Variants in TP63 observed in about 807,000 individuals in gnomAD.
TP63 encodes tumor protein p63, also known as tumor protein 63.
In TP63, 17 loss-of-function variants were observed where a neutral mutation model predicts 82.8. That is an observed-to-expected ratio of 0.21 (90% CI 0.14 to 0.31). TP63 has a LOEUF of 0.31. Among genes scored for constraint, TP63 ranks in the 10% least tolerant of loss-of-function variants. The pLI, the probability that TP63 is intolerant of heterozygous loss-of-function variation, is 1.00. For synonymous variants in TP63, 330 were observed against 321.7 expected (o/e 1.03, Z -0.28); for missense variants, 648 against 895.3 (o/e 0.72, Z 3.52).
intron 3 of TP63, among the ~76,000 whole-genome samples, chr3:189,798,485 A>T (rs542934905): frequency 9.6e-4 from 146 of 152,190 alleles, no homozygotes; most frequent in East Asian, 7.7e-4. Flanking sequence ...ACTCACAAGG[A>T]CAGAGAATGT....
At chr3:189,751,501 T>A (rs957810286) in intron 3 of TP63, among the ~76,000 whole-genome samples, 16 of 152,346 alleles carry the variant, frequency 1.1e-4, no homozygotes, top group African/African-American at 3.8e-4. Context: ...GACTTTTTAA[T>A]GATCGCCATT....
intron 9 of TP63, 55 bp downstream of exon 9, chr3:189,869,461 C>A: frequency 6.9e-7 from 1 of 1,450,102 alleles, no homozygotes; most frequent in Non-Finnish European, 9.6e-7. Flanking sequence ...TTTGAATGGG[C>A]TTTTACAGTA....
intron 3 of TP63, among the ~76,000 whole-genome samples, chr3:189,777,940 C>G (rs1723944447): frequency 6.9e-6 from 1 of 145,648 alleles, no homozygotes; most frequent in South Asian, 2.2e-4. Context: ...ACTGCAACTT[C>G]CGTCTTCCGG....
chr3:189,845,951 T>G (rs1016781645), intron 4 of TP63, among the ~76,000 whole-genome samples: 8 of 151,744 alleles, frequency 5.3e-5, no homozygotes, highest in Admixed American at 3.9e-4. Context: ...AGGGTTTTGA[T>G]TCTACCTTTA....
At chr3:189,702,835 A>T (rs977625359) in intron 1 of TP63, among the ~76,000 whole-genome samples, 3 of 152,230 alleles carry the variant, frequency 2.0e-5, no homozygotes, top group Non-Finnish European at 4.4e-5. Context: ...GTTTTATCTT[A>T]CAGCACCATT....
intron 3 of TP63, among the ~76,000 whole-genome samples, chr3:189,776,462 A>G (rs1057044055): frequency 2.0e-5 from 3 of 152,202 alleles, no homozygotes; most frequent in African/African-American, 7.2e-5. Flanking sequence ...TTAGGAGTGG[A>G]TGCTTAACTG....
At position 189,694,790 on chromosome 3, in the gene TP63, C is replaced by CTTTTTTTTTTTTTTTTTTTTTTT. The variant is rs71175304; in HGVS notation, c.63-42939_63-42917dup. Among the ~76,000 whole-genome samples, 15 of 32,756 alleles carry CTTTTTTTTTTTTTTTTTTTTTTT rather than the reference C, an allele frequency of 4.6e-4. 5 individuals are homozygous for CTTTTTTTTTTTTTTTTTTTTTTT. The highest frequency in any genetic ancestry group is 1.4e-3 in the Admixed American group (2 of 1,408). The allele number at this position is 32,756 out of a possible 152,430, so 21.5% of individuals were successfully genotyped here. A position where few individuals can be genotyped will look rare whatever the true frequency, so the allele number is the denominator to read the frequency against. The stretch of plus-strand genomic sequence containing the variant: ...TTGAAAGGAGGCCAGTATTTACAGC[C>CTTTTTTTTTTTTTTTTTTTTTTT]TTTTTTTTTTTTTTTTTTTTTTTTT... On this transcript the variant is annotated intron_variant, in intron 1 of 13. Transcript: ENST00000264731.
At chr3:189,692,211 G>A (rs2378515) in intron 1 of TP63, among the ~76,000 whole-genome samples, 117,079 of 152,104 alleles carry the variant, frequency 0.77, 45,658 homozygotes, top group East Asian at 0.92. Flanking sequence ...TTTCCATATG[G>A]ACTTGACATT....
At position 189,867,822 on chromosome 3, in the gene TP63, C is replaced by T; in HGVS notation, c.883-11C>T. ...CCTTGTTAACACAGATTATTTACCC[C>T]TTGTTTTCAGGTTGGCACTGAATTC... On this transcript the variant is annotated splice_polypyrimidine_tract_variant and intron_variant, in intron 6 of 13. Coordinates refer to ENST00000264731, the MANE Select transcript of TP63 (RefSeq NM_003722.5). 1 of 1,612,474 alleles carries T rather than the reference C, an allele frequency of 6.2e-7. No individual in the cohort carries two copies. The highest frequency in any genetic ancestry group is 8.5e-7 in the Non-Finnish European group (1 of 1,178,652).
At chr3:189,778,087 G>T (rs970096738) in intron 3 of TP63, among the ~76,000 whole-genome samples, 1 of 151,710 alleles carries the variant, frequency 6.6e-6, no homozygotes, top group South Asian at 2.1e-4. Flanking sequence ...GGCTGGTCTC[G>T]AACTCCTGGC....
At chr3:189,863,031 A>T (rs1717230651) in intron 4 of TP63, among the ~76,000 whole-genome samples, 1 of 152,220 alleles carries the variant, frequency 6.6e-6, no homozygotes, top group Non-Finnish European at 1.5e-5. Flanking sequence ...CAACATTTTA[A>T]ATGTGTGATT....
At chr3:189,733,100 G>A (rs572578501) in intron 1 of TP63, among the ~76,000 whole-genome samples, 1 of 152,094 alleles carries the variant, frequency 6.6e-6, no homozygotes, top group African/African-American at 2.4e-5. Context: ...AGCTGATTAT[G>A]GTGACATTAG....
At chr3:189,652,916 A>G (rs9869716) in intron 1 of TP63, among the ~76,000 whole-genome samples, 55,781 of 145,726 alleles carry the variant, frequency 0.38, 13,981 homozygotes, top group East Asian at 0.48. Flanking sequence ...CATGACTGTA[A>G]GTTTCCTGAG....
intron 3 of TP63, among the ~76,000 whole-genome samples, chr3:189,757,635 A>G (rs1385234923): frequency 1.3e-5 from 2 of 152,192 alleles, no homozygotes; most frequent in Non-Finnish European, 2.9e-5. Flanking sequence ...ACAGATTTGT[A>G]TTTTTGTTTT....
intron 3 of TP63, among the ~76,000 whole-genome samples, chr3:189,779,210 T>C (rs984622819): frequency 9.9e-5 from 15 of 152,238 alleles, no homozygotes; most frequent in African/African-American, 3.4e-4. Context: ...TTAAAATGCA[T>C]CACTCCTCGA....
At chr3:189,827,839 T>C (rs1711641036) in intron 4 of TP63, among the ~76,000 whole-genome samples, 1 of 152,164 alleles carries the variant, frequency 6.6e-6, no homozygotes, top group African/African-American at 2.4e-5. Context: ...GGCTGTGAGT[T>C]GGGAGATGAC....
At chr3:189,885,085 C>G (rs1182536172) in intron 10 of TP63, among the ~76,000 whole-genome samples, 1 of 152,104 alleles carries the variant, frequency 6.6e-6, no homozygotes, top group Admixed American at 6.5e-5. Context: ...ATTTGTCTCC[C>G]CTCTAATGTA....
At chr3:189,683,723 G>A (rs1385241622) in intron 1 of TP63, among the ~76,000 whole-genome samples, 2 of 152,122 alleles carry the variant, frequency 1.3e-5, no homozygotes, top group Non-Finnish European at 2.9e-5. Flanking sequence ...TCGGAAACTC[G>A]GTCTCCTCTT....
intron 1 of TP63, among the ~76,000 whole-genome samples, chr3:189,734,636 C>T (rs1395285732): frequency 6.6e-6 from 1 of 152,140 alleles, no homozygotes; most frequent in African/African-American, 2.4e-5. Flanking sequence ...GTCTGACCCA[C>T]TCAATTTTCA....
Sources: allele counts gnomAD v4.1 joint callset (sites outside exome capture counted in the v4.1 genomes callset), GRCh38; gene constraint gnomAD v4.1.1; transcripts MANE v1.5; gene names NCBI Gene and HGNC (gene_info 2026-07-23, HGNC 2026-07-21).